The following SHTN1 variants were observed in gnomAD, a reference collection of about 807,000 sequenced individuals.
SHTN1 encodes the protein shootin 1, also known as shootin-1.
In SHTN1, 42 loss-of-function variants were observed where a neutral mutation model predicts 83.1. The ratio of observed to expected loss-of-function variants is 0.51; its 90% CI spans 0.39 to 0.65. The LOEUF is 0.65. SHTN1 is among the 30% of genes least tolerant of loss of function. The pLI, the probability that SHTN1 is intolerant of heterozygous loss-of-function variation, is 0.00. For synonymous variants in SHTN1, 224 were observed against 247.7 expected (o/e 0.90, Z 0.90); for missense variants, 622 against 737.8 (o/e 0.84, Z 1.82).
At chr10:117,075,199 T>C (rs1853135311) in intron 1 of SHTN1, among the ~76,000 whole-genome samples, 2 of 152,192 alleles carry the variant, frequency 1.3e-5, no homozygotes, top group Admixed American at 6.5e-5. Context: ...TGCTTTATTG[T>C]AGTTACTCTG....
chr10:116,980,738 A>C (rs1022842171), intron 1 of SHTN1, among the ~76,000 whole-genome samples: 2 of 152,220 alleles, frequency 1.3e-5, no homozygotes, highest in African/African-American at 4.8e-5. Context: ...AGAACACCCC[A>C]GAAACAGACA....
chr10:117,101,069 A>G (rs144706975), intron 1 of SHTN1, among the ~76,000 whole-genome samples: 1 of 152,254 alleles, frequency 6.6e-6, no homozygotes, highest in African/African-American at 2.4e-5. Context: ...AATCCAATTT[A>G]TACTTTAAGC....
At chr10:116,930,980 T>A (rs1387034916) in intron 9 of SHTN1, among the ~76,000 whole-genome samples, 1 of 152,150 alleles carries the variant, frequency 6.6e-6, no homozygotes, top group Non-Finnish European at 1.5e-5. Flanking sequence ...TAATGATTAG[T>A]GATGTTAAGC....
chr10:117,047,214 A>G (rs1208506678), intron 2 of SHTN1, among the ~76,000 whole-genome samples: 1 of 152,074 alleles, frequency 6.6e-6, no homozygotes, highest in Non-Finnish European at 1.5e-5. Context: ...ACAGGTGCCC[A>G]GCACCATGCC....
At chr10:117,115,323 G>C (rs1328141640) in intron 1 of SHTN1, among the ~76,000 whole-genome samples, 1 of 151,986 alleles carries the variant, frequency 6.6e-6, no homozygotes, top group East Asian at 1.9e-4. Context: ...ACTGTTGTGA[G>C]AATGAAAAAT....
chr10:117,040,692 C>T (rs1852570714), intron 2 of SHTN1, among the ~76,000 whole-genome samples: 1 of 152,116 alleles, frequency 6.6e-6, no homozygotes, highest in South Asian at 2.1e-4. Flanking sequence ...CTTTATTATG[C>T]TGCTTTAAAC....
chr10:116,927,451 G>A (rs1848782471), intron 11 of SHTN1, among the ~76,000 whole-genome samples: 2 of 152,182 alleles, frequency 1.3e-5, no homozygotes, highest in Non-Finnish European at 2.9e-5. Flanking sequence ...GCAAGGAGAA[G>A]CAAGTCACAT....
chr10:117,122,532 A>C (rs1391765999), intron 1 of SHTN1, among the ~76,000 whole-genome samples: 1 of 152,222 alleles, frequency 6.6e-6, no homozygotes, highest in Non-Finnish European at 1.5e-5. Context: ...AGGTATATGA[A>C]AAAGTGCTCA....
intron 15 of SHTN1, 139 bp from the exon 16 acceptor site, chr10:116,902,096 ATGT>A (rs1847762944): frequency 1.4e-6 from 1 of 727,012 alleles, no homozygotes; most frequent in Non-Finnish European, 2.2e-6. Flanking sequence ...ATGCTGGAAA[ATGT>A]TGTTGGAAAT....
intron 1 of SHTN1, among the ~76,000 whole-genome samples, chr10:117,111,294 TTC>T (rs1015077304): frequency 3.4e-4 from 52 of 151,864 alleles, no homozygotes; most frequent in African/African-American, 1.2e-3. Context: ...GTGCATTTCT[TTC>T]TTTCTTTCTT....
chr10:116,942,076 T>C (rs992300077), intron 8 of SHTN1, among the ~76,000 whole-genome samples: 15 of 152,332 alleles, frequency 9.8e-5, no homozygotes, highest in Middle Eastern at 3.4e-3. Flanking sequence ...TATGTGCATG[T>C]ACACTTGGCT....
intron 1 of SHTN1, among the ~76,000 whole-genome samples, chr10:116,985,751 G>A (rs901538775): frequency 1.3e-5 from 2 of 152,174 alleles, no homozygotes; most frequent in Non-Finnish European, 1.5e-5. Flanking sequence ...CTGCATCTTT[G>A]ATACTCAGGG....
intron 4 of SHTN1, among the ~76,000 whole-genome samples, chr10:116,957,985 G>T (rs548509960): frequency 6.6e-6 from 1 of 152,282 alleles, no homozygotes; most frequent in East Asian, 1.9e-4. Context: ...GCTTGAATCT[G>T]GGAGGTGGAG....
Position 116,979,265 on chromosome 10 carries a change from T to C in SHTN1, c.102A>G (p.Thr34=). The change falls in exon 2 of 17, where the codon ACA becomes ACG. Residue 34 remains threonine, a synonymous_variant. Transcript: ENST00000355371. ...YEDLRAENQK[T]KEKCDKIRQE... is the part of the protein sequence containing the mutation. The stretch of plus-strand genomic sequence containing the variant: ...AAGGTAAAGTACAAACCTTCTCCTT[T>C]GTTTTCTGGTTCTCTGCTCTAAGGT... The C allele has an allele frequency of 6.2e-7, 1 of 1,613,898 alleles. No homozygotes were observed. The highest frequency in any genetic ancestry group is 8.5e-7 in the Non-Finnish European group (1 of 1,179,798).
chr10:117,011,125 C>T (rs1286646343), intron 2 of SHTN1, among the ~76,000 whole-genome samples: 1 of 152,216 alleles, frequency 6.6e-6, no homozygotes, highest in East Asian at 1.9e-4. Flanking sequence ...GTAAAGCTAT[C>T]TCTATTCACA....
chr10:117,096,472 A>G (rs1853504589), intron 1 of SHTN1, among the ~76,000 whole-genome samples: 1 of 152,212 alleles, frequency 6.6e-6, no homozygotes, highest in African/African-American at 2.4e-5. Context: ...TGTTATGTGA[A>G]GAAACATCAC....
intron 1 of SHTN1, among the ~76,000 whole-genome samples, chr10:117,114,170 C>CT (rs1853810093): frequency 6.6e-6 from 1 of 152,190 alleles, no homozygotes; most frequent in Non-Finnish European, 1.5e-5. Context: ...AATCATGCCA[C>CT]TGTACTCCAG....
At chr10:117,123,825 C>T (rs1397173203) in intron 1 of SHTN1, among the ~76,000 whole-genome samples, 1 of 149,626 alleles carries the variant, frequency 6.7e-6, no homozygotes, top group Non-Finnish European at 1.5e-5. Flanking sequence ...ACGAGAACTG[C>T]TTGAACCCGA....
At chr10:117,002,297 T>C (rs1851848170) in intron 1 of SHTN1, among the ~76,000 whole-genome samples, 1 of 152,194 alleles carries the variant, frequency 6.6e-6, no homozygotes, top group Non-Finnish European at 1.5e-5. Flanking sequence ...ATTAATTTGG[T>C]GACAAGGACT....
Sources: allele counts gnomAD v4.1 joint callset (sites outside exome capture counted in the v4.1 genomes callset), GRCh38; gene constraint gnomAD v4.1.1; transcripts MANE v1.5; gene names NCBI Gene and HGNC (gene_info 2026-07-23, HGNC 2026-07-21).